NRXN1: variants seen among roughly 807,000 people sequenced by gnomAD.
NRXN1 encodes neurexin 1, also known as neurexin-1.
In NRXN1, 39 loss-of-function variants were observed where a neutral mutation model predicts 150.9. That is an observed-to-expected ratio of 0.26 (90% confidence interval 0.20 to 0.34). The LOEUF (loss-of-function observed/expected upper bound fraction) is 0.34, where lower values mean the gene tolerates loss of function less well. Among genes scored for constraint, NRXN1 ranks in the 10% least tolerant of loss-of-function variants. The pLI is 1.00. For synonymous variants in NRXN1, 924 were observed against 757.0 expected (o/e 1.22, Z -3.62); for missense variants, 1,815 against 1,949.9 (o/e 0.93, Z 1.30).
intron 8 of NRXN1, among the ~76,000 whole-genome samples, chr2:50,556,121 T>C (rs892751014): frequency 6.6e-6 from 1 of 152,168 alleles, no homozygotes; most frequent in Non-Finnish European, 1.5e-5. Context: ...CAATTTTGCA[T>C]TGGTAGGCTT....
chr2:50,101,958 T>C (rs1701039294), intron 18 of NRXN1, among the ~76,000 whole-genome samples: 1 of 152,000 alleles, frequency 6.6e-6, no homozygotes. Context: ...CGTTTTCTCT[T>C]TCTTATTGAC....
intron 8 of NRXN1, among the ~76,000 whole-genome samples, chr2:50,618,278 T>C (rs892559648): frequency 1.3e-5 from 2 of 152,166 alleles, no homozygotes; most frequent in Admixed American, 6.6e-5. Flanking sequence ...TGATATGCTT[T>C]CTCCATCCCT....
rs1677117863 is a variant in NRXN1 at position 50,867,516 on chromosome 2, TA to T, written c.832+54352del. Among the ~76,000 whole-genome samples the T allele has an allele frequency of 3.3e-5, 5 of 151,974 alleles. 1 individual carries two copies. The South Asian group carries it at 1.0e-3, about 31-fold the overall frequency. On this transcript the variant is annotated intron_variant, in intron 5 of 22. Transcript: ENST00000401669. ...GCACATTTATTTAGTTAGATTTTCTTAAAAATATTCTCAAGCCTCCAAGTTC... is the reference window on the plus strand; with the variant it reads ...GCACATTTATTTAGTTAGATTTTCTTAAAATATTCTCAAGCCTCCAAGTTC...
intron 21 of NRXN1, among the ~76,000 whole-genome samples, chr2:49,995,546 C>A (rs947130153): frequency 6.6e-5 from 10 of 151,822 alleles, no homozygotes; most frequent in Non-Finnish European, 1.5e-4. Context: ...CTTTGGGAGG[C>A]CGAGGCGGGC....
chr2:50,916,088 T>G (rs1314488979), intron 5 of NRXN1, among the ~76,000 whole-genome samples: 2 of 147,820 alleles, frequency 1.4e-5, no homozygotes, highest in Admixed American at 1.4e-4. Context: ...ATACTACCAC[T>G]AAATTTATTG....
rs1321904518 is a variant in NRXN1 at position 50,784,810 on chromosome 2, G to A, written c.832+137059C>T. On this transcript the variant is annotated intron_variant, in intron 5 of 22. Transcript: ENST00000401669. ...GATGAGGACCTGGACAAGGGTGATG[G>A]TAATAGTGAGGACAGGAAGATCCAT... Among the ~76,000 whole-genome samples the A allele has an allele frequency of 4.6e-5, 7 of 152,044 alleles. No individual in the cohort carries two copies. The East Asian group carries it at 1.4e-3, about 29-fold the overall frequency.
At chr2:50,236,339 C>A (rs1221295172) in intron 18 of NRXN1, among the ~76,000 whole-genome samples, 1 of 152,022 alleles carries the variant, frequency 6.6e-6, no homozygotes, top group Non-Finnish European at 1.5e-5. Flanking sequence ...ACTTTCGTTC[C>A]TTTTATTTCA....
intron 2 of NRXN1, among the ~76,000 whole-genome samples, chr2:51,004,825 T>A (rs1019438902): frequency 1.3e-5 from 2 of 152,000 alleles, no homozygotes; most frequent in East Asian, 3.9e-4. Context: ...CCAAGGTTAC[T>A]GCTAAGTTTG....
At chr2:50,546,075 G>A (rs1030928925) in intron 9 of NRXN1, among the ~76,000 whole-genome samples, 2 of 152,040 alleles carry the variant, frequency 1.3e-5, no homozygotes, top group Non-Finnish European at 1.5e-5. Context: ...ATGGGGGGCC[G>A]GGCCGACTGT....
intron 18 of NRXN1, among the ~76,000 whole-genome samples, chr2:50,140,226 C>A (rs1472629218): frequency 1.3e-5 from 2 of 152,116 alleles, no homozygotes; most frequent in African/African-American, 4.8e-5. Flanking sequence ...TCAGTGAAGG[C>A]AGACATACAC....
chr2:50,554,323 C>T (rs1436346019), intron 8 of NRXN1: 1 of 152,054 alleles, frequency 6.6e-6, no homozygotes, highest in Non-Finnish European at 1.5e-5. Flanking sequence ...AACCCATGGC[C>T]AACTGAACCA....
At chr2:50,599,609 G>C (rs1675906183) in intron 8 of NRXN1, among the ~76,000 whole-genome samples, 1 of 152,078 alleles carries the variant, frequency 6.6e-6, no homozygotes, top group Non-Finnish European at 1.5e-5. Context: ...AATAATTCAA[G>C]GGAAACATGC....
rs185781864 is a variant in NRXN1 at position 50,067,195 on chromosome 2, G to C, written c.3719-12151C>G. 3.3e-3 allele frequency among the ~76,000 whole-genome samples: 501 copies of C among 152,214 alleles called. 5 individuals carry two copies. The highest frequency in any genetic ancestry group is 0.011 in the African/African-American group (477 of 41,540). ...TACTGCAGAGTTCAATGGTGCTTTG[G>C]GGAAGAAATTAGAATCTTAGTGCAT... On this transcript the variant is annotated intron_variant, in intron 19 of 22. Coordinates refer to ENST00000401669, the MANE Select transcript of NRXN1 (RefSeq NM_001330078.2).
At chr2:50,814,725 G>C (rs1335172565) in intron 5 of NRXN1, among the ~76,000 whole-genome samples, 3 of 151,950 alleles carry the variant, frequency 2.0e-5, no homozygotes, top group Admixed American at 6.6e-5. Context: ...CCCACAAAAA[G>C]AAATAATTTA....
rs1420356542 is a variant in NRXN1, at chr2:50,538,361, G to C, written c.2035C>G (p.Pro679Ala). The C allele has an allele frequency of 6.2e-7, 1 of 1,614,004 alleles. No homozygotes were observed. Among genetic ancestry groups the C allele is most frequent in the East Asian group, 2.2e-5 (1 of 44,878 alleles). The change falls in exon 10 of 23, where the codon CCG becomes GCG. Residue 679 changes from proline to alanine, a missense_variant. Pro to Ala is a conservative substitution (Grantham distance 27). This residue lies in a region of NRXN1 where 638 missense variants were observed against 652.6 expected (regional missense o/e 0.98). Transcript: ENST00000401669. ...TTTTTGCAAGGGTTGCTAAGGCACG[G>C]TTTTGCTGTTTCCTTTGAGCAGGAA... ...KPSCSKETAK[P>A]CLSNPCKNNG...
intron 18 of NRXN1, among the ~76,000 whole-genome samples, chr2:50,108,374 G>T (rs77040883): frequency 6.6e-6 from 1 of 151,920 alleles, no homozygotes; most frequent in African/African-American, 2.4e-5. Flanking sequence ...ACCGATTTTA[G>T]CTTTACAACT....
chr2:50,793,274 T>C (rs1706318627), intron 5 of NRXN1, among the ~76,000 whole-genome samples: 1 of 152,106 alleles, frequency 6.6e-6, no homozygotes. Context: ...TAATTGTCAA[T>C]GGTATGAAAA....
At chr2:50,033,895 G>A (rs375489925) in intron 21 of NRXN1, among the ~76,000 whole-genome samples, 155 of 149,282 alleles carry the variant, frequency 1.0e-3, no homozygotes, top group African/African-American at 3.7e-3. Context: ...ATCATTGATC[G>A]TTAAAGAAAT....
rs77370981 is a variant in NRXN1 at position 50,724,669 on chromosome 2, A to G, written c.833-101054T>C. Among the ~76,000 whole-genome samples, 1,000 of 152,330 alleles carry G rather than the reference A, an allele frequency of 6.6e-3. 16 individuals are homozygous for G. The highest frequency in any genetic ancestry group is 0.023 in the African/African-American group (967 of 41,574). On this transcript the variant is annotated intron_variant, in intron 5 of 22. Coordinates refer to ENST00000401669, the MANE Select transcript of NRXN1 (RefSeq NM_001330078.2). ...GGAGATTATATATAATATACAAAAA[A>G]GAAACCAAAACTATCTAGACAGCTA... is the stretch of plus-strand genomic sequence containing the variant.
Sources: allele counts gnomAD v4.1 joint callset (sites outside exome capture counted in the v4.1 genomes callset), GRCh38; gene constraint gnomAD v4.1.1; regional missense constraint gnomAD v4.1.1; transcripts MANE v1.5; gene names NCBI Gene and HGNC (gene_info 2026-07-23, HGNC 2026-07-21).